The following LNX1 variants were observed in gnomAD, a reference collection of about 807,000 sequenced individuals.
LNX1 encodes the protein E3 ubiquitin-protein ligase LNX.
In LNX1, 54 loss-of-function variants were observed where a neutral mutation model predicts 68.4. That is an observed-to-expected ratio of 0.79 (90% CI 0.63 to 0.99). LNX1 has a LOEUF of 0.99. Among genes scored for constraint, LNX1 ranks in the 50% least tolerant of loss-of-function variants. The pLI is 0.00. For missense variants in LNX1, 906 were observed against 926.4 expected (o/e 0.98, Z 0.29); for synonymous variants, 336 against 350.0 (o/e 0.96, Z 0.45).
At chr4:53,469,518 C>T (rs974562199) in intron 9 of LNX1, among the ~76,000 whole-genome samples, 17 of 152,054 alleles carry the variant, frequency 1.1e-4, no homozygotes, top group Non-Finnish European at 1.8e-4. Flanking sequence ...AATAGAGACA[C>T]AAAAAACCCT....
chr4:53,550,112 T>C (rs796193604), intron 2 of LNX1, among the ~76,000 whole-genome samples: 14 of 152,346 alleles, frequency 9.2e-5, no homozygotes, highest in African/African-American at 3.1e-4. Context: ...ACAATGCTCT[T>C]TGGACATCAA....
intron 1 of LNX1, among the ~76,000 whole-genome samples, chr4:53,637,794 T>C (rs1313939971): frequency 6.6e-6 from 1 of 152,186 alleles, no homozygotes; most frequent in Admixed American, 6.5e-5. Context: ...ATATGGACTT[T>C]CCCTTTTGCA....
chr4:53,628,638 G>T (rs1276164044), intron 1 of LNX1, among the ~76,000 whole-genome samples: 3 of 152,162 alleles, frequency 2.0e-5, no homozygotes, highest in Non-Finnish European at 4.4e-5. Flanking sequence ...CCTACCCAAA[G>T]GAAAAGAAGT....
At chr4:53,483,514 A>G (rs1335352901) in intron 6 of LNX1, among the ~76,000 whole-genome samples, 1 of 152,250 alleles carries the variant, frequency 6.6e-6, no homozygotes, top group Non-Finnish European at 1.5e-5. Context: ...TATGAAACTC[A>G]CATAAATAGA....
chr4:53,597,209 A>G (rs1165617213), intron 2 of LNX1, among the ~76,000 whole-genome samples: 2 of 152,128 alleles, frequency 1.3e-5, no homozygotes, highest in African/African-American at 4.8e-5. Flanking sequence ...TCCTTGGCAA[A>G]CTATCAATTG....
upstream of LNX1, among the ~76,000 whole-genome samples, chr4:53,619,825 C>T (rs1406825913): frequency 6.6e-6 from 1 of 152,172 alleles, no homozygotes; most frequent in Non-Finnish European, 1.5e-5. Flanking sequence ...TTTACACACC[C>T]AGCAGCAATG....
At position 53,591,404 on chromosome 4, in the gene LNX1, C is replaced by G; in HGVS notation, c.-103G>C. 1.0e-6 allele frequency: 1 copy of G among 985,754 alleles called. No homozygotes were observed. The highest frequency in any genetic ancestry group is 1.2e-6 in the Non-Finnish European group (1 of 830,234). 61.1% of individuals were successfully genotyped at this position (985,754 alleles called of 1,614,324 possible). ...TCAACTCACCTCTTCAAGCGACTGTCTGGGGCTCTCCAAGCAGCAGCAGGC... is the reference window on the plus strand; with the variant it reads ...TCAACTCACCTCTTCAAGCGACTGTGTGGGGCTCTCCAAGCAGCAGCAGGC... On this transcript the variant is annotated 5_prime_UTR_variant, in exon 1 of 11. Coordinates refer to ENST00000263925, the MANE Select transcript of LNX1 (RefSeq NM_001126328.3).
chr4:53,476,745 G>A lies in LNX1; in HGVS notation c.1892+8C>T, dbSNP rs200903290. On this transcript the variant is annotated splice_region_variant and intron_variant, in intron 9 of 10. Coordinates refer to ENST00000263925, the MANE Select transcript of LNX1 (RefSeq NM_001126328.3). Reference sequence around the variant, plus strand: ...ACGCCCCTACAGGGATGTTGTGTTTGGACTTACCGTGGTAATTCCAGCCAC... The same window carrying A: ...ACGCCCCTACAGGGATGTTGTGTTTAGACTTACCGTGGTAATTCCAGCCAC... 166 of 1,611,132 alleles carry A rather than the reference G, an allele frequency of 1.0e-4. No individual in the cohort carries two copies. Among genetic ancestry groups the A allele is most frequent in the Non-Finnish European group, 1.3e-4 (150 of 1,177,282 alleles).
chr4:53,498,294 T>TA (rs1362514818), intron 5 of LNX1, among the ~76,000 whole-genome samples: 2 of 151,872 alleles, frequency 1.3e-5, no homozygotes, highest in African/African-American at 2.4e-5. Context: ...TAATGCTCTT[T>TA]AAAAAAAGAG....
chr4:53,583,363 G>C (rs1195652891), intron 1 of LNX1, among the ~76,000 whole-genome samples: 2 of 152,196 alleles, frequency 1.3e-5, no homozygotes, highest in African/African-American at 2.4e-5. Context: ...GTGTGTGCAT[G>C]ATGGGGGGCA....
At chr4:53,554,496 A>T (rs1244186013) in intron 2 of LNX1, among the ~76,000 whole-genome samples, 3 of 152,264 alleles carry the variant, frequency 2.0e-5, no homozygotes, top group African/African-American at 7.2e-5. Flanking sequence ...TTATATATTC[A>T]TTCTGCAGTT....
intron 1 of LNX1, among the ~76,000 whole-genome samples, chr4:53,649,490 G>C (rs1735013075): frequency 6.6e-6 from 1 of 152,188 alleles, no homozygotes; most frequent in East Asian, 1.9e-4. Flanking sequence ...CAGAGCTCTT[G>C]TCCTGAAGTC....
chr4:53,625,736 G>A (rs1734046052), intron 1 of LNX1, among the ~76,000 whole-genome samples: 1 of 152,172 alleles, frequency 6.6e-6, no homozygotes, highest in Non-Finnish European at 1.5e-5. Context: ...GAGCATGAGA[G>A]GTTGAGGCTG....
chr4:53,497,978 T>C (rs929065857), intron 5 of LNX1, among the ~76,000 whole-genome samples: 2 of 152,146 alleles, frequency 1.3e-5, no homozygotes, highest in Non-Finnish European at 2.9e-5. Flanking sequence ...TTGGCAAACA[T>C]TGGACTTCTG....
At chr4:53,641,713 T>C (rs1484100330) in intron 1 of LNX1, among the ~76,000 whole-genome samples, 1 of 152,246 alleles carries the variant, frequency 6.6e-6, no homozygotes, top group Non-Finnish European at 1.5e-5. Context: ...AGGCAAGTAT[T>C]GATCTGCTTT....
chr4:53,501,311 G>GA (rs1725487277), intron 4 of LNX1, among the ~76,000 whole-genome samples: 1 of 55,696 alleles, frequency 1.8e-5, no homozygotes. Context: ...GGGGTGGGGG[G>GA]ACAGGATCTC....
At chr4:53,580,394 C>T (rs1731760416) in intron 1 of LNX1, among the ~76,000 whole-genome samples, 1 of 152,198 alleles carries the variant, frequency 6.6e-6, no homozygotes, top group Admixed American at 6.5e-5. Context: ...AGTGTCTCTC[C>T]TATAATGTAT....
Position 53,508,223 on chromosome 4 carries a change from T to G in LNX1, c.385A>C (p.Lys129Gln), listed in dbSNP as rs778666229. The G allele has an allele frequency of 2.5e-6, 4 of 1,613,310 alleles. No individual in the cohort carries two copies. The Admixed American group carries it at 6.7e-5, about 27-fold the overall frequency. The change falls in exon 3 of 11, where the codon AAA becomes CAA. Residue 129 changes from lysine to glutamine, a missense_variant. Physicochemically the swap from Lys to Gln is moderately conservative, Grantham distance 53. Coordinates refer to ENST00000263925, the MANE Select transcript of LNX1 (RefSeq NM_001126328.3). ...GTCAGGCCGTAGTGGGAGGCACCTT[T>G]ACAGCTGTAACAGAACCAGCGGGGA... ...DLEHHFQTSC[K>Q]GASHYGLTKD... is the part of the protein sequence containing the mutation.
chr4:53,577,869 T>C (rs1432238538), intron 1 of LNX1, among the ~76,000 whole-genome samples: 1 of 152,212 alleles, frequency 6.6e-6, no homozygotes, highest in Non-Finnish European at 1.5e-5. Flanking sequence ...AAGTGAGGTT[T>C]TTATGTTTTG....
Sources: gnomAD v4.1 joint callset for allele counts (sites outside exome capture counted in the v4.1 genomes callset) on GRCh38, gnomAD v4.1.1 for gene constraint, MANE v1.5 for transcripts, NCBI Gene and HGNC (gene_info 2026-07-23, HGNC 2026-07-21) for gene names.